The following INSRR variants were observed in gnomAD, a reference collection of about 807,000 sequenced individuals.
INSRR encodes the protein insulin receptor-related protein.
In INSRR, 114 loss-of-function variants were observed where a neutral mutation model predicts 130.0. The ratio of observed to expected loss-of-function variants is 0.88; its 90% CI spans 0.75 to 1.02. The LOEUF (loss-of-function observed/expected upper bound fraction) is 1.02. Among genes scored for constraint, INSRR ranks in the 50% least tolerant of loss-of-function variants. The probability of loss-of-function intolerance (pLI) is 0.00; values close to 1 mark genes in which losing one functional copy is unlikely to be tolerated. For missense variants in INSRR, 1,657 were observed against 1,735.2 expected (o/e 0.95, Z 0.80); for synonymous variants, 674 against 705.2 (o/e 0.96, Z 0.70).
In INSRR at chr1:156,846,538, G is replaced by A; in HGVS notation, c.1791C>T (p.Tyr597=). The A allele has an allele frequency of 6.2e-7, 1 of 1,614,054 alleles. No homozygotes were observed. The highest frequency in any genetic ancestry group is 1.1e-5 in the South Asian group (1 of 91,058). The change falls in exon 8 of 22, where the codon TAC becomes TAT. Residue 597 remains tyrosine, a synonymous_variant. Coordinates refer to ENST00000368195, the MANE Select transcript of INSRR (RefSeq NM_014215.3). Reference sequence around the variant, plus strand: ...GCCTACCTGCAGGCAGCGTTCGGAGGTAGACGATGGGACTCTGGGCTCCTT... The same window carrying A: ...GCCTACCTGCAGGCAGCGTTCGGAGATAGACGATGGGACTCTGGGCTCCTT... The part of the protein sequence containing the change: ...PHQGAQSPIV[Y]LRTLPAAPTV...
Position 156,842,999 on chromosome 1 carries a change from C to T in INSRR, c.3126+5G>A. On this transcript the variant is annotated splice_donor_5th_base_variant and intron_variant, in intron 17 of 21. Coordinates refer to ENST00000368195, the MANE Select transcript of INSRR (RefSeq NM_014215.3). ...ACCCTGACAATGCCCTTGGCTCTCC[C>T]TTACCACATGGTGACACTTGAAGGC... 1 of 1,609,254 alleles carries T rather than the reference C, an allele frequency of 6.2e-7. No individual in the cohort carries two copies. Among genetic ancestry groups the T allele is most frequent in the Non-Finnish European group, 8.5e-7 (1 of 1,175,838 alleles).
chr1:156,854,180 C>T lies in INSRR; in HGVS notation c.209G>A (p.Gly70Asp), dbSNP rs2102870240. 4 of 1,614,128 alleles carry T rather than the reference C, an allele frequency of 2.5e-6. No individual in the cohort carries two copies. The East Asian group carries it at 8.9e-5, about 36-fold the overall frequency. Residue 70 changes from glycine (G) to aspartate (D), a missense_variant, in exon 2 of 22, where the codon GGC becomes GAC. Coordinates refer to ENST00000368195, the MANE Select transcript of INSRR (RefSeq NM_014215.3). The surrounding 1 kb of genome is among the most constrained non-coding windows in gnomAD (Gnocchi z 4.2). ...MFTATGEDFR[G>D]LSFPRLTQVT... is the part of the protein sequence containing the mutation. ...CTGGGTGAGGCGAGGGAAGCTGAGG[C>T]CGCGGAAGTCCTCCCCGGTGGCTGT...
intron 5 of INSRR, among the ~76,000 whole-genome samples, chr1:156,850,534 CTTTTTTTTTT>C (rs35237064): frequency 4.8e-4 from 28 of 58,636 alleles, no homozygotes; most frequent in Non-Finnish European, 1.8e-4. Flanking sequence ...TTAAAACATT[CTTTTTTTTTT>C]TTTTTTTTTT....
chr1:156,848,074 G>A (rs768159536), intron 7 of INSRR, among the ~76,000 whole-genome samples: 20 of 152,050 alleles, frequency 1.3e-4, no homozygotes, highest in Non-Finnish European at 2.6e-4. Flanking sequence ...AGTGGGGGGC[G>A]AGGCCCAGGA....
chr1:156,842,980 A>G, intron 17 of INSRR, 24 bp downstream of exon 17: 1 of 1,567,458 alleles, frequency 6.4e-7, no homozygotes, highest in Non-Finnish European at 8.8e-7. Flanking sequence ...TATGACCCTG[A>G]CAATGCCCTT....
At position 156,841,458 on chromosome 1, in the gene INSRR, G is replaced by T. The variant is rs1479938520; in HGVS notation, c.3598C>A (p.Gln1200Lys). 3.7e-6 allele frequency: 6 copies of T among 1,613,892 alleles called. No homozygotes were observed. Among genetic ancestry groups the T allele is most frequent in the Admixed American group, 1.7e-5 (1 of 59,992 alleles). The change falls in exon 21 of 22, where the codon CAG becomes AAG. Residue 1200 changes from glutamine (Q) to lysine (K), a missense_variant. Coordinates refer to ENST00000368195, the MANE Select transcript of INSRR (RefSeq NM_014215.3). ...EQPYQGLSNE[Q>K]VLKFVMDGGV... ...CCATCCATGACGAACTTCAGCACCT[G>T]CTCATTGGACAGGCCCTGGTAGGGT... is the stretch of plus-strand genomic sequence containing the variant.
intron 1 of INSRR, among the ~76,000 whole-genome samples, chr1:156,855,639 A>G (rs1186132678): frequency 1.3e-5 from 2 of 152,140 alleles, no homozygotes; most frequent in Non-Finnish European, 2.9e-5. Flanking sequence ...CCTGGGCAAC[A>G]TGGCAAAACC....
intron 19 of INSRR, 113 bp from the exon 20 acceptor site, chr1:156,841,907 C>T: frequency 6.3e-7 from 1 of 1,590,916 alleles, no homozygotes; most frequent in Non-Finnish European, 8.6e-7. Context: ...ACCAAGAACC[C>T]TGGAAAGTAG....
rs140531495 is a variant in INSRR at position 156,842,444 on chromosome 1, C to T, written c.3191G>A (p.Arg1064His). The T allele has an allele frequency of 2.0e-4, 326 of 1,614,104 alleles. 1 individual carries two copies. Among genetic ancestry groups the T allele is most frequent in the South Asian group, 1.8e-3 (168 of 91,084 alleles). ...TCGAAGATGGCTCTTGAGGTCCCCA[C>T]GGGTCATTAACTCCATGATGACCAG... ...PTLVIMELMTRGDLKSHLRSL... is the reference protein window; with the variant it reads ...PTLVIMELMTHGDLKSHLRSL... The change falls in exon 18 of 22, where the codon CGT becomes CAT. Residue 1064 changes from arginine (R) to histidine (H), a missense_variant. By Grantham distance (29) the Arg-to-His change is conservative. Transcript: ENST00000368195.
rs768009620 is a variant in INSRR, at chr1:156,846,535, G to A, written c.1794C>T (p.Leu598=). Residue 598 remains leucine (L), a synonymous_variant, in exon 8 of 22, where the codon CTC becomes CTT. Coordinates refer to ENST00000368195, the MANE Select transcript of INSRR (RefSeq NM_014215.3). ...HQGAQSPIVY[L]RTLPAAPTVP... ...AATGCCTACCTGCAGGCAGCGTTCG[G>A]AGGTAGACGATGGGACTCTGGGCTC... The A allele has an allele frequency of 1.2e-5, 19 of 1,613,868 alleles. No individual in the cohort carries two copies. The highest frequency in any genetic ancestry group is 1.6e-5 in the Non-Finnish European group (19 of 1,179,876).
chr1:156,852,647 C>G (rs1006962992), intron 2 of INSRR, among the ~76,000 whole-genome samples: 6 of 152,232 alleles, frequency 3.9e-5, no homozygotes, highest in African/African-American at 1.4e-4. Flanking sequence ...CCGCCCCCAC[C>G]TCAGCTCCCT....
Position 156,841,413 on chromosome 1 carries a change from C to T in INSRR, c.3643G>A (p.Glu1215Lys), listed in dbSNP as rs780268467. ...VMDGGVLEELEGCPLQLQELM... is the reference protein window; with the variant it reads ...VMDGGVLEELKGCPLQLQELM... ...ACTCACAGCTGAAGGGGACAGCCCT[C>T]CAGCTCCTCCAGGACCCCGCCATCC... The change falls in exon 21 of 22, where the codon GAG (glutamate) becomes AAG (lysine). Residue 1215 changes from glutamate (E) to lysine (K), a missense_variant. Transcript: ENST00000368195. The T allele has an allele frequency of 4.3e-6, 7 of 1,613,770 alleles. No homozygotes were observed. In the South Asian group the frequency reaches 7.7e-5, roughly 18 times the overall value.
At chr1:156,853,330 C>T (rs1655293979) in intron 2 of INSRR, among the ~76,000 whole-genome samples, 1 of 152,170 alleles carries the variant, frequency 6.6e-6, no homozygotes, top group African/African-American at 2.4e-5. Flanking sequence ...CCTCATGACA[C>T]CCAATGATCA....
At chr1:156,855,177 T>TATCTATCTATCTATCTATC (rs1248364906) in intron 1 of INSRR, among the ~76,000 whole-genome samples, 21 of 638 alleles carry the variant, frequency 0.033, no homozygotes, top group Admixed American at 0.11. Context: ...CATCCAATTT[T>TATCTATCTATCTATCTATC]ATCTATCTAT....
At chr1:156,846,156 G>T in intron 8 of INSRR, 37 bp from the exon 9 acceptor site, 1 of 1,538,266 alleles carries the variant, frequency 6.5e-7, no homozygotes, top group Non-Finnish European at 8.7e-7. Flanking sequence ...AGGGGTGTGG[G>T]TCTTCCTCCT....
chr1:156,853,861 A>G lies in INSRR; in HGVS notation c.528T>C (p.Cys176=), dbSNP rs1303670738. The change falls in exon 2 of 22, where the codon TGT becomes TGC. Residue 176 remains cysteine (C), a synonymous_variant. Transcript: ENST00000368195. ...CCAGCACACCAGGGCACACGTCAGC[A>G]CACTCCTCGCCCAGCTTGTTGCCCA... is the stretch of plus-strand genomic sequence containing the variant. ...HIVGNKLGEE[C]ADVCPGVLGA... is the part of the protein sequence containing the mutation. 1 of 1,614,066 alleles carries G rather than the reference A, an allele frequency of 6.2e-7. No individual in the cohort carries two copies. The highest frequency in any genetic ancestry group is 8.5e-7 in the Non-Finnish European group (1 of 1,180,032).
chr1:156,856,951 C>G (rs1331301780), intron 1 of INSRR, among the ~76,000 whole-genome samples: 2 of 152,198 alleles, frequency 1.3e-5, no homozygotes, highest in Non-Finnish European at 2.9e-5. Flanking sequence ...ACATTCAGCT[C>G]CTGCTAACGT....
Position 156,854,046 on chromosome 1 carries a change from G to C in INSRR, c.343C>G (p.Leu115Val). 1 of 1,614,110 alleles carries C rather than the reference G, an allele frequency of 6.2e-7. No homozygotes were observed. Among genetic ancestry groups the C allele is most frequent in the Non-Finnish European group, 8.5e-7 (1 of 1,180,040 alleles). ...RGTRLFLGYA[L>V]VIFEMPHLRD... ...AGATGTGGCATCTCAAAGATGACCA[G>C]TGCATAGCCCAGGAAGAGGCGCGTC... The change falls in exon 2 of 22, where the codon CTG (leucine) becomes GTG (valine). Residue 115 changes from leucine (L) to valine (V), a missense_variant. By Grantham distance (32) the Leu-to-Val change is conservative. Transcript: ENST00000368195. This position sits in a 1 kb window ranked among gnomAD's most constrained non-coding sequence, Gnocchi z 4.2.
chr1:156,841,339 G>A (rs138603010), intron 21 of INSRR, 55 bp downstream of exon 21: 2 of 1,549,466 alleles, frequency 1.3e-6, no homozygotes, highest in Admixed American at 1.7e-5. Flanking sequence ...GGGGCCGGGT[G>A]GGGGAGGGTT....
Sources: gnomAD v4.1 joint callset for allele counts (sites outside exome capture counted in the v4.1 genomes callset) on GRCh38, gnomAD v4.1.1 for gene constraint, Gnocchi (gnomAD v3.1) non-coding constraint, MANE v1.5 for transcripts, NCBI Gene and HGNC (gene_info 2026-07-23, HGNC 2026-07-21) for gene names.